ABCD4: variants seen among roughly 807,000 people sequenced by gnomAD.
ABCD4 encodes the protein ATP binding cassette subfamily D member 4.
A neutral mutation model predicts 86.3 loss-of-function variants in ABCD4; 53 were observed. That is an observed-to-expected ratio of 0.61 (90% CI 0.49 to 0.77). The LOEUF is 0.77. ABCD4 is among the 30% of genes least tolerant of loss of function. The pLI is 0.00. For synonymous variants in ABCD4, 328 were observed against 313.6 expected (o/e 1.05, Z -0.49); for missense variants, 757 against 764.5 (o/e 0.99, Z 0.12).
rs754785485 is a variant in ABCD4 at position 74,286,672 on chromosome 14, C to A, written c.1752+29G>T. ...GCTGAGCCTTTGGGTTCTTTCTCCTCCTCAGGCCATCCTTGTGAGCACGGG... is the reference window on the plus strand; with the variant it reads ...GCTGAGCCTTTGGGTTCTTTCTCCTACTCAGGCCATCCTTGTGAGCACGGG... On this transcript the variant is annotated intron_variant, in intron 18 of 18. Coordinates refer to ENST00000356924, the MANE Select transcript of ABCD4 (RefSeq NM_005050.4). 58 of 1,613,796 alleles carry A rather than the reference C, an allele frequency of 3.6e-5. No homozygotes were observed. In the Admixed American group the frequency reaches 9.3e-4, roughly 26 times the overall value.
At chr14:74,289,176 G>T in intron 14 of ABCD4, 1 of 1,263,248 alleles carries the variant, frequency 7.9e-7, no homozygotes, top group Non-Finnish European at 9.9e-7. Flanking sequence ...GCAGGGGTGG[G>T]GGCCTCAGAA....
At chr14:74,302,031 G>A (rs1346695689) in intron 1 of ABCD4, among the ~76,000 whole-genome samples, 3 of 152,162 alleles carry the variant, frequency 2.0e-5, no homozygotes, top group Non-Finnish European at 4.4e-5. Context: ...GAAGCTTTAT[G>A]CACTGCCCGT....
rs188205145 is a variant in ABCD4 at position 74,296,357 on chromosome 14, T to C, written c.518A>G (p.Tyr173Cys). ...CCTTTGGAAGCACTGGTAAGTGTAG[T>C]AGACGAGGGTGAACGGGGAGATGAT... is the stretch of plus-strand genomic sequence containing the variant. ...KLIISPFTLV[Y>C]YTYQCFQSTG... Residue 173 changes from tyrosine (Y) to cysteine (C), a missense_variant, in exon 5 of 19, where the codon TAC becomes TGC. Tyr to Cys is a radical substitution (Grantham distance 194). Transcript: ENST00000356924. The C allele has an allele frequency of 2.7e-4, 438 of 1,614,072 alleles. 1 individual carries two copies. Among genetic ancestry groups the C allele is most frequent in the South Asian group, 4.4e-5 (4 of 91,082 alleles).
Position 74,286,473 on chromosome 14 carries a change from G to C in ABCD4, c.1809C>G (p.Ile603Met), listed in dbSNP as rs1401359898. 1 of 1,614,098 alleles carries C rather than the reference G, an allele frequency of 6.2e-7. No individual in the cohort carries two copies. The highest frequency in any genetic ancestry group is 1.3e-5 in the African/African-American group (1 of 74,950). ...CGGGRWELMRIKVE is the reference protein window; with the variant it reads ...CGGGRWELMRMKVE Reference sequence around the variant, plus strand: ...AAAAGCCAGAGCTTCATTCCACTTTGATTCTCATCAGCTCCCATCTTCCTC... The same window carrying C: ...AAAAGCCAGAGCTTCATTCCACTTTCATTCTCATCAGCTCCCATCTTCCTC... The change falls in exon 19 of 19, where the codon ATC becomes ATG. Residue 603 changes from isoleucine to methionine, a missense_variant. Ile to Met is a conservative substitution (Grantham distance 10, BLOSUM62 1). Coordinates refer to ENST00000356924, the MANE Select transcript of ABCD4 (RefSeq NM_005050.4).
chr14:74,291,750 A>G (rs958369483), intron 11 of ABCD4, among the ~76,000 whole-genome samples: 12 of 152,226 alleles, frequency 7.9e-5, no homozygotes, highest in Non-Finnish European at 1.8e-4. Flanking sequence ...CTGTCCAAGC[A>G]CTTTCCATGG....
chr14:74,295,235 G>A, intron 6 of ABCD4, 37 bp from the exon 7 acceptor site: 1 of 1,612,234 alleles, frequency 6.2e-7, no homozygotes, highest in South Asian at 1.1e-5. Context: ...CTGACAACAG[G>A]GAGTACTGGC....
At chr14:74,295,819 C>T (rs781211407) in intron 6 of ABCD4, 35 bp downstream of exon 6, 97 of 1,612,038 alleles carry the variant, frequency 6.0e-5, no homozygotes, top group Non-Finnish European at 8.1e-5. Flanking sequence ...AACTATTATG[C>T]CCCAGCCCAG....
intron 13 of ABCD4, 131 bp from the exon 14 acceptor site, chr14:74,289,650 G>C: frequency 6.7e-7 from 1 of 1,485,620 alleles, no homozygotes; most frequent in South Asian, 1.4e-5. Context: ...GCCTGGGTCA[G>C]ATGGGAGAGG....
chr14:74,300,341 A>C, intron 1 of ABCD4, 73 bp from the exon 2 acceptor site: 13 of 978,172 alleles, frequency 1.3e-5, no homozygotes, highest in Non-Finnish European at 2.0e-5. Flanking sequence ...TATTAAGCTC[A>C]TCCACATTGT....
In ABCD4 at chr14:74,297,167, T is replaced by C. The variant is rs1595017221; in HGVS notation, c.426-718A>G. 4.6e-5 allele frequency: 7 copies of C among 152,426 alleles called. No homozygotes were observed. The South Asian group carries it at 1.5e-3, about 32-fold the overall frequency. 9.4% of individuals were successfully genotyped at this position (152,426 alleles called of 1,614,324 possible). A position where few individuals can be genotyped will look rare whatever the true frequency, so the allele number is the denominator to read the frequency against. On this transcript the variant is annotated intron_variant, in intron 4 of 18. Transcript: ENST00000356924. ...CCTTGGGCAAGTCACTTGCAATCTC[T>C]GGGCTTCAGCTTCCTCATCTGTAAA...
intron 3 of ABCD4, among the ~76,000 whole-genome samples, chr14:74,298,464 T>C (rs904428778): frequency 1.3e-5 from 2 of 152,024 alleles, no homozygotes; most frequent in Non-Finnish European, 2.9e-5. Context: ...AGAGACGGGG[T>C]TTCTCCATCT....
At chr14:74,289,720 AAC>A (rs2080935042) in intron 13 of ABCD4, 1 of 1,436,022 alleles carries the variant, frequency 7.0e-7, no homozygotes, top group East Asian at 2.5e-5. Flanking sequence ...GTTTAGGGGG[AAC>A]AGTCTGACAG....
intron 16 of ABCD4, 74 bp from the exon 17 acceptor site, chr14:74,287,960 T>C (rs1411976443): frequency 7.1e-7 from 1 of 1,402,702 alleles, no homozygotes. Context: ...ATGGTCTGGG[T>C]AGGAAGAGGT....
intron 8 of ABCD4, 90 bp from the exon 9 acceptor site, chr14:74,292,959 A>T (rs2139916074): frequency 6.3e-7 from 1 of 1,582,288 alleles, no homozygotes; most frequent in African/African-American, 1.3e-5. Flanking sequence ...GACGCCAAGT[A>T]GGGCCACGTG....
At chr14:74,289,254 C>G in intron 14 of ABCD4, 1 of 1,356,594 alleles carries the variant, frequency 7.4e-7, no homozygotes, top group South Asian at 2.0e-5. Flanking sequence ...TGAAGGAAGG[C>G]ATCACTTTCC....
chr14:74,293,293 G>C (rs749982936), intron 7 of ABCD4, 45 bp from the exon 8 acceptor site: 4 of 1,592,894 alleles, frequency 2.5e-6, no homozygotes, highest in Non-Finnish European at 3.4e-6. Context: ...GAGAGGTTCA[G>C]CCAGGTTGGG....
At chr14:74,297,648 C>T in intron 4 of ABCD4, 8 of 1,053,170 alleles carry the variant, frequency 7.6e-6, no homozygotes, top group Non-Finnish European at 9.3e-6. Flanking sequence ...CGGTGCACTA[C>T]TCCTGGGCTC....
chr14:74,290,217 A>G (rs1260969857), intron 12 of ABCD4, 74 bp downstream of exon 12: 1 of 1,610,956 alleles, frequency 6.2e-7, no homozygotes, highest in Non-Finnish European at 8.5e-7. Flanking sequence ...AATGGATTCT[A>G]CCACACCGTC....
chr14:74,295,769 G>A (rs763003266), intron 6 of ABCD4, 85 bp downstream of exon 6: 108 of 1,572,006 alleles, frequency 6.9e-5, no homozygotes, highest in Non-Finnish European at 8.6e-5. Flanking sequence ...GCACAGCTAG[G>A]ATTTGAACTT....
Sources: allele counts gnomAD v4.1 joint callset (sites outside exome capture counted in the v4.1 genomes callset), GRCh38; gene constraint gnomAD v4.1.1; transcripts MANE v1.5; gene names NCBI Gene and HGNC (gene_info 2026-07-23, HGNC 2026-07-21).